SLC35D4: variants seen among roughly 807,000 people sequenced by gnomAD.
SLC35D4 encodes the protein UDP-N-acetylglucosamine transporter SLC35D4.
chr18:23,364,364 G>A, the SLC35D4 span, among the ~76,000 whole-genome samples: 3 of 152,134 alleles, frequency 2.0e-5, no homozygotes, highest in African/African-American at 7.2e-5. Context: ...CACTCAGTGG[G>A]GGAGCCAAGG....
chr18:23,353,126 TGA>T, the SLC35D4 span, among the ~76,000 whole-genome samples: 1 of 149,382 alleles, frequency 6.7e-6, no homozygotes, highest in Non-Finnish European at 1.5e-5. Flanking sequence ...TGTGTGTATG[TGA>T]GAGAGAGAGA....
the SLC35D4 span, among the ~76,000 whole-genome samples, chr18:23,284,733 T>C: frequency 3.3e-5 from 5 of 152,064 alleles, no homozygotes; most frequent in African/African-American, 1.2e-4. Flanking sequence ...TTAACCACAC[T>C]GGCAAATGTT....
At chr18:23,301,531 G>C in the SLC35D4 span, among the ~76,000 whole-genome samples, 1 of 152,166 alleles carries the variant, frequency 6.6e-6, no homozygotes, top group African/African-American at 2.4e-5. Context: ...GGTGAGGTTT[G>C]TGCTAGGCTC....
the SLC35D4 span, among the ~76,000 whole-genome samples, chr18:23,335,070 G>C: frequency 1.3e-5 from 2 of 151,906 alleles, no homozygotes; most frequent in Non-Finnish European, 2.9e-5. Flanking sequence ...TTTTGTAAGA[G>C]AGGAGAGCAA....
chr18:23,290,131 C>T, the SLC35D4 span, among the ~76,000 whole-genome samples: 4 of 152,242 alleles, frequency 2.6e-5, no homozygotes, highest in South Asian at 2.1e-4. Context: ...CCAACCAGCC[C>T]GGTGATGGGC....
At chr18:23,429,277 T>C in the SLC35D4 span, among the ~76,000 whole-genome samples, 1 of 152,232 alleles carries the variant, frequency 6.6e-6, no homozygotes, top group Non-Finnish European at 1.5e-5. Flanking sequence ...CAAACTGCTT[T>C]CCATAGGGGC....
the SLC35D4 span, among the ~76,000 whole-genome samples, chr18:23,430,341 T>TG: frequency 6.6e-6 from 1 of 152,136 alleles, no homozygotes; most frequent in Non-Finnish European, 1.5e-5. Flanking sequence ...CCCAAAGCGC[T>TG]GGTATTATAG....
the SLC35D4 span, chr18:23,437,909 C>A: frequency 6.4e-7 from 1 of 1,551,220 alleles, no homozygotes; most frequent in Non-Finnish European, 8.8e-7. Flanking sequence ...CCCCTGGCCG[C>A]CGCCCGACCC....
chr18:23,411,663 G>T, the SLC35D4 span, among the ~76,000 whole-genome samples: 21 of 152,230 alleles, frequency 1.4e-4, no homozygotes, highest in East Asian at 3.7e-3. Context: ...GGTAATAGAT[G>T]ATCTTTCTTA....
chr18:23,259,228 G>A, the SLC35D4 span: 8 of 152,164 alleles, frequency 5.3e-5, no homozygotes, highest in Non-Finnish European at 1.2e-4. Context: ...TACAGGGGGA[G>A]AGCCTTTCTG....
the SLC35D4 span, among the ~76,000 whole-genome samples, chr18:23,306,728 A>T: frequency 6.6e-6 from 1 of 152,332 alleles, no homozygotes; most frequent in East Asian, 1.9e-4. Context: ...CCTGCACTTC[A>T]ATTTTATAGT....
the SLC35D4 span, chr18:23,297,515 C>T: frequency 6.6e-6 from 1 of 150,426 alleles, no homozygotes; most frequent in Non-Finnish European, 1.5e-5. Context: ...GAGGCCTTGT[C>T]TCTAAAAAAT....
chr18:23,251,883 C>T, the SLC35D4 span, among the ~76,000 whole-genome samples: 2 of 150,972 alleles, frequency 1.3e-5, no homozygotes, highest in South Asian at 2.1e-4. Flanking sequence ...GTCAGGAGTT[C>T]GAGACCAACC....
At chr18:23,266,418 A>C in the SLC35D4 span, among the ~76,000 whole-genome samples, 43 of 152,292 alleles carry the variant, frequency 2.8e-4, no homozygotes, top group African/African-American at 3.9e-4. Flanking sequence ...AAAAAAAAAA[A>C]AAAAACAAAT....
the SLC35D4 span, among the ~76,000 whole-genome samples, chr18:23,325,978 T>G: frequency 0.037 from 5,609 of 152,324 alleles, 137 homozygotes; most frequent in Middle Eastern, 0.061. Flanking sequence ...GCAAGGAGTA[T>G]GCATTTCAGA....
At chr18:23,275,016 T>TGCTTGTGTGAGTGTGTGTATGC in the SLC35D4 span, among the ~76,000 whole-genome samples, 4 of 149,330 alleles carry the variant, frequency 2.7e-5, no homozygotes, top group Admixed American at 6.7e-5. Flanking sequence ...TGTATGTGTG[T>TGCTTGTGTGAGTGTGTGTATGC]GCTTGTGTGT....
chr18:23,287,589 T>C, the SLC35D4 span, among the ~76,000 whole-genome samples: 1 of 152,204 alleles, frequency 6.6e-6, no homozygotes, highest in Admixed American at 6.5e-5. Context: ...TTCCTGGGCA[T>C]GGTTGGATAC....
At chr18:23,372,967 T>C in the SLC35D4 span, among the ~76,000 whole-genome samples, 12 of 148,886 alleles carry the variant, frequency 8.1e-5, no homozygotes, top group African/African-American at 2.9e-4. Context: ...CGGGGGTGGG[T>C]CCTCAGCACC....
At chr18:23,410,971 T>C in the SLC35D4 span, among the ~76,000 whole-genome samples, 60 of 152,182 alleles carry the variant, frequency 3.9e-4, no homozygotes, top group African/African-American at 1.4e-3. Context: ...CCACCTCTAA[T>C]TCTTCAGCTG....
Sources: gnomAD v4.1 joint callset for allele counts (sites outside exome capture counted in the v4.1 genomes callset) on GRCh38, gnomAD v4.1.1 for gene constraint, MANE v1.5 for transcripts, NCBI Gene and HGNC (gene_info 2026-07-23, HGNC 2026-07-21) for gene names.